Variants in USP20 observed in about 807,000 individuals in gnomAD.
The protein encoded by USP20 is ubiquitin carboxyl-terminal hydrolase 20.
Under a neutral mutation model 124.2 loss-of-function variants are expected in USP20, and 80 were observed. That is an observed-to-expected ratio of 0.64 (90% CI 0.54 to 0.78). The LOEUF (loss-of-function observed/expected upper bound fraction) is 0.78, where lower values mean the gene tolerates loss of function less well. USP20 is among the 30% of genes least tolerant of loss of function. The pLI is 0.00. For synonymous variants in USP20, 481 were observed against 512.3 expected (o/e 0.94, Z 0.83); for missense variants, 1,043 against 1,244.4 (o/e 0.84, Z 2.44).
In USP20 at chr9:129,868,351, A is replaced by T. The variant is rs2033929210; in HGVS notation, c.1037A>T (p.Glu346Val). Residue 346 changes from glutamate (E) to valine (V), a missense_variant, in exon 11 of 26, where the codon GAG (glutamate) becomes GTG (valine). Transcript: ENST00000372429. ...CGTACAAACTCGGAGCAAGTGGACGAGGACGCTGATGTGGACACTGCCATG... is the reference window on the plus strand; with the variant it reads ...CGTACAAACTCGGAGCAAGTGGACGTGGACGCTGATGTGGACACTGCCATG... ...QQRTNSEQVD[E>V]DADVDTAMAA... 1 of 1,611,172 alleles carries T rather than the reference A, an allele frequency of 6.2e-7. No homozygotes were observed. The highest frequency in any genetic ancestry group is 1.3e-5 in the African/African-American group (1 of 74,316).
chr9:129,844,290 C>T (rs545451469), intron 1 of USP20, among the ~76,000 whole-genome samples: 16 of 151,952 alleles, frequency 1.1e-4, no homozygotes, highest in Non-Finnish European at 2.1e-4. Flanking sequence ...CCAAAAAAAG[C>T]TGTATACAAA....
chr9:129,858,520 C>T lies in USP20; in HGVS notation c.252C>T (p.Tyr84=), dbSNP rs200946773. 1.4e-5 allele frequency: 22 copies of T among 1,614,074 alleles called. No homozygotes were observed. Among genetic ancestry groups the T allele is most frequent in the African/African-American group, 6.7e-5 (5 of 74,928 alleles). The change falls in exon 6 of 26, where the codon TAC becomes TAT. Residue 84 remains tyrosine, a synonymous_variant. Transcript: ENST00000372429. Reference sequence around the variant, plus strand: ...TGACCACGTTCCGACTGTGGTGTTACGCCTGTGAGAAGGAGGTATTCCTGG... The same window carrying T: ...TGACCACGTTCCGACTGTGGTGTTATGCCTGTGAGAAGGAGGTATTCCTGG... ...VNLTTFRLWC[Y]ACEKEVFLEQ...
chr9:129,858,352 C>A, intron 5 of USP20, 115 bp from the exon 6 acceptor site: 1 of 1,493,792 alleles, frequency 6.7e-7, no homozygotes, highest in South Asian at 1.2e-5. Context: ...GAGCTTCCGG[C>A]CTCTGTCCTG....
At position 129,869,336 on chromosome 9, in the gene USP20, AG is replaced by A. The variant is rs756800972; in HGVS notation, c.1305del (p.Arg435SerfsTer118). ...KAQVLSAGSRRRKEQRYRSVI... is the reference protein window; with the variant it reads ...KAQVLSAGSRXRKEQRYRSVI... ...CCAGGTATTGAGTGCTGGCAGCCGG[AG>A]GCGGAAGGAGCAGCGCTACCGCAGC... On this transcript the variant is annotated frameshift_variant, in exon 13 of 26. Transcript: ENST00000372429. LOFTEE classifies it high-confidence loss of function. 6.2e-6 allele frequency: 10 copies of A among 1,613,500 alleles called. No individual in the cohort carries two copies. Among genetic ancestry groups the A allele is most frequent in the Non-Finnish European group, 8.5e-6 (10 of 1,180,018 alleles).
At chr9:129,880,035 C>A (rs184758896) in intron 24 of USP20, 78 bp from the exon 25 acceptor site, 1 of 1,541,866 alleles carries the variant, frequency 6.5e-7, no homozygotes, top group African/African-American at 1.4e-5. Flanking sequence ...CCTGGCCCTG[C>A]GGAGCCCCCA....
At chr9:129,872,915 T>C (rs547160514) in intron 15 of USP20, among the ~76,000 whole-genome samples, 34 of 152,036 alleles carry the variant, frequency 2.2e-4, no homozygotes, top group African/African-American at 8.2e-4. Flanking sequence ...CATTTTGCCT[T>C]TTGCCTTTTA....
chr9:129,852,475 T>A (rs2032976022), intron 2 of USP20, 65 bp from the exon 3 acceptor site: 4 of 1,448,932 alleles, frequency 2.8e-6, no homozygotes, highest in Non-Finnish European at 2.8e-6. Flanking sequence ...ACTTAACCAC[T>A]CACCTCCCCA....
chr9:129,868,805 C>T (rs1358723844), intron 11 of USP20, 57 bp from the exon 12 acceptor site: 56 of 1,506,146 alleles, frequency 3.7e-5, no homozygotes, highest in Non-Finnish European at 4.5e-5. Flanking sequence ...TCTTCCTGCC[C>T]ACTCGTGGAG....
At chr9:129,860,086 T>C (rs1480276377) in intron 6 of USP20, among the ~76,000 whole-genome samples, 2 of 151,974 alleles carry the variant, frequency 1.3e-5, no homozygotes, top group Admixed American at 6.6e-5. Flanking sequence ...ATCCCAGCAC[T>C]TTGGGAGGCC....
At chr9:129,851,854 C>A (rs915829885) in intron 2 of USP20, among the ~76,000 whole-genome samples, 1 of 152,032 alleles carries the variant, frequency 6.6e-6, no homozygotes, top group Admixed American at 6.6e-5. Context: ...TGCACCACTG[C>A]TGATGTTTTG....
chr9:129,857,518 G>C (rs1054998950), intron 4 of USP20, among the ~76,000 whole-genome samples: 4 of 152,200 alleles, frequency 2.6e-5, no homozygotes, highest in Non-Finnish European at 1.5e-5. Context: ...TTTGGGATAG[G>C]AGAGTGCGAG....
At chr9:129,866,868 C>T (rs758724056) in intron 10 of USP20, among the ~76,000 whole-genome samples, 4 of 152,338 alleles carry the variant, frequency 2.6e-5, no homozygotes, top group African/African-American at 4.8e-5. Context: ...GGCCTTTGAT[C>T]GTGCCTGCCA....
In USP20 at chr9:129,852,399, G is replaced by A. The variant is rs191188493; in HGVS notation, c.-16-141G>A. ...GACAAGGAAAGTGATGCTCAGAGAG[G>A]TTAAGCAACTTCCCTGCGTTACCAG... On this transcript the variant is annotated intron_variant, in intron 2 of 25. Coordinates refer to ENST00000372429, the MANE Select transcript of USP20 (RefSeq NM_001110303.4). The A allele has an allele frequency of 1.7e-3, 1,142 of 672,632 alleles. 2 individuals are homozygous for A. The highest frequency in any genetic ancestry group is 2.0e-3 in the Non-Finnish European group (789 of 388,182). The allele number at this position is 672,632 out of a possible 1,614,324, so 41.7% of individuals were successfully genotyped here. A position where few individuals can be genotyped will look rare whatever the true frequency, so the allele number is the denominator to read the frequency against.
intron 7 of USP20, among the ~76,000 whole-genome samples, 178 bp downstream of exon 7, chr9:129,861,211 A>G (rs1564207710): frequency 6.6e-6 from 1 of 152,170 alleles, no homozygotes; most frequent in South Asian, 2.1e-4. Flanking sequence ...TGGCCTAGCT[A>G]AGGTTCTGGA....
intron 4 of USP20, among the ~76,000 whole-genome samples, 177 bp downstream of exon 4, chr9:129,856,537 G>A (rs544343865): frequency 1.4e-3 from 214 of 152,328 alleles, no homozygotes; most frequent in African/African-American, 4.8e-3. Flanking sequence ...CGAATCCTGG[G>A]CTGGCCATTC....
intron 6 of USP20, among the ~76,000 whole-genome samples, chr9:129,859,575 C>A (rs1003533676): frequency 6.6e-6 from 1 of 151,876 alleles, no homozygotes; most frequent in Admixed American, 6.6e-5. Context: ...CACCTGGCCT[C>A]TCCTTCTGTT....
intron 1 of USP20, among the ~76,000 whole-genome samples, chr9:129,836,814 C>T (rs991923466): frequency 2.6e-5 from 4 of 152,192 alleles, no homozygotes; most frequent in African/African-American, 9.7e-5. Context: ...CACGTGCACT[C>T]ACTGGATACG....
chr9:129,867,972 G>C, intron 10 of USP20, 33 bp from the exon 11 acceptor site: 2 of 1,590,374 alleles, frequency 1.3e-6, no homozygotes, highest in East Asian at 4.5e-5. Context: ...CCTGCCTCCA[G>C]GGGAGCCCTG....
Position 129,868,056 on chromosome 9 carries a change from AAGGAGCCGGT to A in USP20, c.743_752del (p.Lys248ArgfsTer7). ...GATGGACCAGCTGCACGAGGAGCTC[AAGGAGCCGGT>A]GGTGGCCACGGTGGCGCTGACGGAG... On this transcript the variant is annotated frameshift_variant, in exon 11 of 26. Coordinates refer to ENST00000372429, the MANE Select transcript of USP20 (RefSeq NM_001110303.4). LOFTEE classifies it high-confidence loss of function. The A allele has an allele frequency of 6.2e-7, 1 of 1,614,136 alleles. No individual in the cohort carries two copies. The highest frequency in any genetic ancestry group is 2.2e-5 in the East Asian group (1 of 44,876).
Sources: allele counts gnomAD v4.1 joint callset (sites outside exome capture counted in the v4.1 genomes callset), GRCh38; gene constraint gnomAD v4.1.1; transcripts MANE v1.5; gene names NCBI Gene and HGNC (gene_info 2026-07-23, HGNC 2026-07-21).